PLSCR2: variants seen among roughly 807,000 people sequenced by gnomAD.
PLSCR2 encodes PL scramblase 2.
Under a neutral mutation model 25.3 loss-of-function variants are expected in PLSCR2, and 18 were observed. That is an observed-to-expected ratio of 0.71 (90% CI 0.49 to 1.06). The LOEUF (loss-of-function observed/expected upper bound fraction) is 1.06, where lower values mean the gene tolerates loss of function less well. PLSCR2 is among the 50% of genes least tolerant of loss of function. The pLI, the probability that PLSCR2 is intolerant of heterozygous loss-of-function variation, is 0.00. For synonymous variants in PLSCR2, 88 were observed against 87.3 expected (o/e 1.01, Z -0.04); for missense variants, 243 against 269.5 (o/e 0.90, Z 0.69).
chr3:146,494,167 G>C (rs533485563), intron 1 of PLSCR2, among the ~76,000 whole-genome samples: 3 of 152,138 alleles, frequency 2.0e-5, no homozygotes, highest in South Asian at 2.1e-4. Flanking sequence ...ATTTTTACCT[G>C]GGTTCTGACT....
Position 146,423,303 on chromosome 3 carries a change from G to A in PLSCR2, c.101-27382C>T, listed in dbSNP as rs537856828. Among the ~76,000 whole-genome samples, 17 of 122,990 alleles carry A rather than the reference G, an allele frequency of 1.4e-4. No homozygotes were observed. The Admixed American group carries it at 1.5e-3, about 11-fold the overall frequency. 80.7% of individuals were successfully genotyped at this position (122,990 alleles called of 152,430 possible). A position where few individuals can be genotyped will look rare whatever the true frequency, so the allele number is the denominator to read the frequency against. ...TCTCTCCCTGGCTAGATTCTCACAAGAAACTTAATATTAACTCTACTTAGT... is the reference window on the plus strand; with the variant it reads ...TCTCTCCCTGGCTAGATTCTCACAAAAAACTTAATATTAACTCTACTTAGT... On this transcript the variant is annotated intron_variant and NMD_transcript_variant, in intron 2 of 3. Coordinates refer to the PLSCR2 transcript ENST00000463633.
intron 1 of PLSCR2, among the ~76,000 whole-genome samples, chr3:146,479,916 C>T (rs1205877413): frequency 6.6e-6 from 1 of 152,144 alleles, no homozygotes; most frequent in Admixed American, 6.5e-5. Context: ...CAAATTAGAA[C>T]TTAGGATTAA....
At chr3:146,408,777 C>T (rs2038743280) in intron 2 of PLSCR2, among the ~76,000 whole-genome samples, 1 of 152,262 alleles carries the variant, frequency 6.6e-6, no homozygotes, top group Admixed American at 6.5e-5. Flanking sequence ...CAACTTCGGT[C>T]ATCTTAGACA....
chr3:146,432,949 A>G (rs907070642), downstream of PLSCR2, among the ~76,000 whole-genome samples: 1 of 152,190 alleles, frequency 6.6e-6, no homozygotes, highest in African/African-American at 2.4e-5. Flanking sequence ...ACATTAAAAT[A>G]TATTTTCTTG....
intron 1 of PLSCR2, among the ~76,000 whole-genome samples, chr3:146,466,184 T>A (rs746555842): frequency 1.6e-4 from 24 of 152,128 alleles, no homozygotes; most frequent in Admixed American, 6.5e-5. Context: ...TGTCTTTTGG[T>A]TTTATTGAGA....
At chr3:146,428,443 A>G (rs1559985180), downstream of PLSCR2, among the ~76,000 whole-genome samples, 1 of 152,204 alleles carries the variant, frequency 6.6e-6, no homozygotes, top group Non-Finnish European at 1.5e-5. Flanking sequence ...TCATTTCCAA[A>G]TTAGATAAAT....
rs758576585 is a variant in PLSCR2 at position 146,423,282 on chromosome 3, T to TCTCTAC, written c.101-27362_101-27361insGTAGAG. Among the ~76,000 whole-genome samples the TCTCTAC allele has an allele frequency of 1.8e-4, 18 of 101,000 alleles. 2 individuals carry two copies. The South Asian group carries it at 6.6e-3, about 37-fold the overall frequency. The allele number at this position is 101,000 out of a possible 152,430, so 66.3% of individuals were successfully genotyped here. On this transcript the variant is annotated intron_variant and NMD_transcript_variant, in intron 2 of 3. Transcript: ENST00000463633. The stretch of plus-strand genomic sequence containing the variant: ...CTCTCTCTCTCTCTCTCTCTCTCTC[T>TCTCTAC]CCCTGGCTAGATTCTCACAAGAAAC...
intron 1 of PLSCR2, among the ~76,000 whole-genome samples, chr3:146,483,474 CATGTGTATATATATATATAT>C (rs2043218283): frequency 3.6e-5 from 1 of 27,676 alleles, no homozygotes; most frequent in African/African-American, 2.1e-4. Flanking sequence ...TATATATATA[CATGTGTATATATATATATAT>C]ATATATATAT....
At chr3:146,414,597 A>ATT (rs10627858) in intron 2 of PLSCR2, among the ~76,000 whole-genome samples, 74,926 of 150,174 alleles carry the variant, frequency 0.5, 18,929 homozygotes, top group South Asian at 0.69. Flanking sequence ...CAATGATAGT[A>ATT]TTTTTTTTTT....
At chr3:146,484,691 A>T (rs767053586) in intron 1 of PLSCR2, among the ~76,000 whole-genome samples, 10 of 152,132 alleles carry the variant, frequency 6.6e-5, no homozygotes, top group Non-Finnish European at 1.0e-4. Flanking sequence ...GGCCAAACTA[A>T]GCTTCATAAA....
At chr3:146,396,477 G>A (rs1349249324) in intron 2 of PLSCR2, among the ~76,000 whole-genome samples, 1 of 152,108 alleles carries the variant, frequency 6.6e-6, no homozygotes, top group African/African-American at 2.4e-5. Context: ...ATAAGGGAAG[G>A]GTAGGGTGCT....
At chr3:146,415,676 T>A (rs2038985700) in intron 2 of PLSCR2, among the ~76,000 whole-genome samples, 1 of 152,052 alleles carries the variant, frequency 6.6e-6, no homozygotes, top group Non-Finnish European at 1.5e-5. Context: ...ATGTGGCCAA[T>A]GATTACAGAC....
intron 2 of PLSCR2, among the ~76,000 whole-genome samples, chr3:146,413,344 T>C (rs969684537): frequency 4.6e-5 from 7 of 152,158 alleles, no homozygotes; most frequent in Non-Finnish European, 8.8e-5. Flanking sequence ...AAACATACCT[T>C]TTTACTCTTT....
At chr3:146,479,402 C>T (rs535298018) in intron 1 of PLSCR2, among the ~76,000 whole-genome samples, 1 of 152,134 alleles carries the variant, frequency 6.6e-6, no homozygotes, top group South Asian at 2.1e-4. Context: ...GGAAGATCTA[C>T]CAAGCAAATG....
downstream of PLSCR2, among the ~76,000 whole-genome samples, chr3:146,436,840 C>A (rs1250256110): frequency 1.3e-5 from 2 of 152,102 alleles, no homozygotes; most frequent in African/African-American, 4.8e-5. Context: ...AGAGGGCATC[C>A]TTGTCTTGTG....
At chr3:146,433,226 A>G (rs201961662), downstream of PLSCR2, 4 of 152,108 alleles carry the variant, frequency 2.6e-5, no homozygotes, top group Admixed American at 2.6e-4. Context: ...TTTTTTCTGT[A>G]TGCCTGTTTC....
At chr3:146,408,453 A>AT (rs1006672515) in intron 2 of PLSCR2, among the ~76,000 whole-genome samples, 18 of 151,196 alleles carry the variant, frequency 1.2e-4, no homozygotes, top group Admixed American at 4.0e-4. Flanking sequence ...CACCATTTAG[A>AT]TTTTTTTTTG....
In PLSCR2 at chr3:146,459,240, T is replaced by A. The variant is rs2041408393; in HGVS notation, c.57+608A>T. Among the ~76,000 whole-genome samples the A allele has an allele frequency of 2.0e-5, 3 of 152,144 alleles. 1 individual carries two copies. The highest frequency in any genetic ancestry group is 2.0e-4 in the Admixed American group (3 of 15,270). On this transcript the variant is annotated intron_variant, in intron 2 of 6. Transcript: ENST00000610787. ...ATCATAAAAATGTAATTTTACTAATTGTAAGAAAAAATGAGTCAAATCCCA... is the reference window on the plus strand; with the variant it reads ...ATCATAAAAATGTAATTTTACTAATAGTAAGAAAAAATGAGTCAAATCCCA...
At chr3:146,482,892 G>A (rs571490016) in intron 1 of PLSCR2, among the ~76,000 whole-genome samples, 4 of 152,290 alleles carry the variant, frequency 2.6e-5, no homozygotes, top group African/African-American at 9.6e-5. Context: ...ATACTATGCA[G>A]CCATAAAAAA....
Sources: allele counts gnomAD v4.1 joint callset (sites outside exome capture counted in the v4.1 genomes callset), GRCh38; gene constraint gnomAD v4.1.1; transcripts MANE v1.5; gene names NCBI Gene and HGNC (gene_info 2026-07-23, HGNC 2026-07-21).